KCNMB4: variants seen among roughly 807,000 people sequenced by gnomAD.
The protein encoded by KCNMB4 is calcium-activated potassium channel subunit beta-4.
In KCNMB4, 3 loss-of-function variants were observed where a neutral mutation model predicts 20.7. The observed-to-expected ratio is 0.14, with a 90% confidence interval of 0.07 to 0.37. KCNMB4 has a LOEUF of 0.37. Ranked by LOEUF, KCNMB4 falls within the 10% of genes least tolerant of loss-of-function variation. The pLI, the probability that KCNMB4 is intolerant of heterozygous loss-of-function variation, is 1.00. For missense variants in KCNMB4, 168 were observed against 265.9 expected (o/e 0.63, Z 2.56); for synonymous variants, 110 against 113.4 (o/e 0.97, Z 0.19).
chr12:70,390,972 A>G (rs1487174228), intron 1 of KCNMB4, among the ~76,000 whole-genome samples: 1 of 152,150 alleles, frequency 6.6e-6, no homozygotes, highest in Non-Finnish European at 1.5e-5. Context: ...ACATGTCGGC[A>G]TGTTCTGCTG....
At chr12:70,417,314 G>T (rs1868937171) in intron 2 of KCNMB4, among the ~76,000 whole-genome samples, 1 of 152,298 alleles carries the variant, frequency 6.6e-6, no homozygotes, top group South Asian at 2.1e-4. Context: ...GGCGCTGGCA[G>T]CAGTTCCTAG....
chr12:70,429,510 CA>C (rs1222599592), intron 2 of KCNMB4, among the ~76,000 whole-genome samples: 2 of 151,626 alleles, frequency 1.3e-5, no homozygotes, highest in African/African-American at 2.4e-5. Context: ...ACTAAAAATA[CA>C]AAAAAATTAG....
chr12:70,406,048 T>A (rs763653219), intron 2 of KCNMB4, among the ~76,000 whole-genome samples: 3 of 152,174 alleles, frequency 2.0e-5, no homozygotes, highest in Non-Finnish European at 4.4e-5. Flanking sequence ...ACTGTATGAT[T>A]CCACTTATAT....
chr12:70,408,361 T>C (rs1593340582), intron 2 of KCNMB4, among the ~76,000 whole-genome samples: 1 of 152,200 alleles, frequency 6.6e-6, no homozygotes, highest in East Asian at 1.9e-4. Context: ...CCAGATGCTC[T>C]TGAAAAGATG....
intron 2 of KCNMB4, among the ~76,000 whole-genome samples, chr12:70,408,627 A>G (rs1225136181): frequency 1.3e-5 from 2 of 151,102 alleles, no homozygotes; most frequent in Non-Finnish European, 3.0e-5. Flanking sequence ...CCCTCTCTAC[A>G]CCCAGGAAGG....
chr12:70,386,665 C>T (rs1049650059), intron 1 of KCNMB4, among the ~76,000 whole-genome samples: 57 of 151,030 alleles, frequency 3.8e-4, no homozygotes, highest in African/African-American at 1.3e-3. Context: ...CTTTGGAATA[C>T]CATAATTACA....
chr12:70,387,873 T>A (rs1008567300), intron 1 of KCNMB4, among the ~76,000 whole-genome samples: 1 of 152,194 alleles, frequency 6.6e-6, no homozygotes, highest in African/African-American at 2.4e-5. Flanking sequence ...AAGTTGTTAT[T>A]GACTAGAGTC....
At chr12:70,375,217 T>G (rs1417458535) in intron 1 of KCNMB4, among the ~76,000 whole-genome samples, 2 of 152,180 alleles carry the variant, frequency 1.3e-5, no homozygotes, top group African/African-American at 2.4e-5. Context: ...AGTGCTGTCT[T>G]TTGCTTTGAT....
intron 2 of KCNMB4, among the ~76,000 whole-genome samples, chr12:70,418,609 T>C (rs1368276720): frequency 6.6e-6 from 1 of 152,166 alleles, no homozygotes; most frequent in East Asian, 1.9e-4. Flanking sequence ...CTAACTTTGC[T>C]CCGTGATTAA....
intron 1 of KCNMB4, among the ~76,000 whole-genome samples, chr12:70,381,739 G>T (rs984261669): frequency 5.3e-5 from 8 of 152,192 alleles, no homozygotes; most frequent in African/African-American, 1.9e-4. Context: ...GATTGGGAAT[G>T]ACAGCTAAAG....
chr12:70,379,848 C>A (rs1883754046), intron 1 of KCNMB4, among the ~76,000 whole-genome samples: 1 of 152,232 alleles, frequency 6.6e-6, no homozygotes, highest in South Asian at 2.1e-4. Context: ...CTGGATTAGG[C>A]TTTGGCTTAA....
chr12:70,429,666 C>CAAAAAAA (rs11320039), intron 2 of KCNMB4, among the ~76,000 whole-genome samples: 6 of 117,188 alleles, frequency 5.1e-5, no homozygotes, highest in Non-Finnish European at 5.2e-5. Context: ...GACTCCATCT[C>CAAAAAAA]AAAAAAAAAA....
At chr12:70,397,771 T>C (rs981266768) in intron 1 of KCNMB4, among the ~76,000 whole-genome samples, 6 of 152,322 alleles carry the variant, frequency 3.9e-5, no homozygotes, top group African/African-American at 1.4e-4. Flanking sequence ...CTTAGAAATA[T>C]TTAAAATCTG....
intron 2 of KCNMB4, chr12:70,422,849 T>C (rs1480274639): frequency 7.3e-6 from 9 of 1,225,602 alleles, no homozygotes; most frequent in South Asian, 2.9e-5. Flanking sequence ...TACCACACAG[T>C]GTGAGTAAAA....
intron 2 of KCNMB4, among the ~76,000 whole-genome samples, chr12:70,424,387 G>A (rs1479819301): frequency 6.6e-6 from 1 of 151,196 alleles, no homozygotes; most frequent in Non-Finnish European, 1.5e-5. Flanking sequence ...GCAAAGGTGA[G>A]CCGAGATCGC....
chr12:70,410,142 G>A (rs773891556), intron 2 of KCNMB4, among the ~76,000 whole-genome samples: 9 of 152,126 alleles, frequency 5.9e-5, no homozygotes, highest in African/African-American at 9.7e-5. Context: ...AGAACCAAAC[G>A]CTTTCTAGTG....
At chr12:70,391,857 T>G (rs1868302208) in intron 1 of KCNMB4, among the ~76,000 whole-genome samples, 1 of 152,192 alleles carries the variant, frequency 6.6e-6, no homozygotes, top group Non-Finnish European at 1.5e-5. Context: ...ATTTATGTGC[T>G]AAGGAAGAGA....
chr12:70,427,893 C>G (rs394571), intron 2 of KCNMB4, among the ~76,000 whole-genome samples: 92,202 of 152,092 alleles, frequency 0.61, 28,137 homozygotes, highest in East Asian at 0.81. Flanking sequence ...CACGCTGAAG[C>G]ATTTTACTAG....
chr12:70,419,709 A>C (rs1353666310), intron 2 of KCNMB4, among the ~76,000 whole-genome samples: 1 of 152,240 alleles, frequency 6.6e-6, no homozygotes, highest in Non-Finnish European at 1.5e-5. Context: ...AGAACCAAGA[A>C]TCTTTGGGCA....
Sources: gnomAD v4.1 joint callset for allele counts (sites outside exome capture counted in the v4.1 genomes callset) on GRCh38, gnomAD v4.1.1 for gene constraint, MANE v1.5 for transcripts, NCBI Gene and HGNC (gene_info 2026-07-23, HGNC 2026-07-21) for gene names.